The following NPAS3 variants were observed in gnomAD, a reference collection of about 807,000 sequenced individuals.
NPAS3 encodes the protein neuronal PAS domain-containing protein 3.
A neutral mutation model predicts 73.1 loss-of-function variants in NPAS3; 14 were observed. That is an observed-to-expected ratio of 0.19 (90% confidence interval 0.13 to 0.30). The LOEUF (loss-of-function observed/expected upper bound fraction) is 0.30. NPAS3 is among the 10% of genes least tolerant of loss of function. NPAS3 has a pLI of 1.00. For missense variants in NPAS3, 1,096 were observed against 1,250.0 expected, an observed-to-expected ratio of 0.88 and a Z score of 1.86; for synonymous variants, 620 against 541.5, an observed-to-expected ratio of 1.14 and a Z score of -2.01.
intron 4 of NPAS3, among the ~76,000 whole-genome samples, chr14:33,412,621 T>G (rs1254186249): frequency 6.6e-6 from 1 of 152,162 alleles, no homozygotes; most frequent in African/African-American, 2.4e-5. Context: ...TGACTAAGGC[T>G]TAGTGTCTAA....
intron 4 of NPAS3, among the ~76,000 whole-genome samples, chr14:33,509,889 AGTT>A (rs750262726): frequency 5.3e-5 from 8 of 152,030 alleles, no homozygotes; most frequent in South Asian, 4.1e-4. Flanking sequence ...TCAACTTAAG[AGTT>A]GTTGTGATTC....
intron 6 of NPAS3, among the ~76,000 whole-genome samples, chr14:33,727,247 T>C (rs1478578781): frequency 3.3e-5 from 5 of 152,156 alleles, no homozygotes; most frequent in African/African-American, 1.2e-4. Flanking sequence ...TAAAATAGTA[T>C]ATTAAAGTAA....
At chr14:33,026,598 G>T (rs2039811269) in intron 1 of NPAS3, among the ~76,000 whole-genome samples, 1 of 151,534 alleles carries the variant, frequency 6.6e-6, no homozygotes, top group African/African-American at 2.4e-5. Flanking sequence ...ATTTTATGGA[G>T]AGCTAAGGAG....
chr14:33,347,913 T>C (rs1433881197), intron 3 of NPAS3, among the ~76,000 whole-genome samples: 3 of 152,040 alleles, frequency 2.0e-5, no homozygotes. Flanking sequence ...GTTGGTTGGA[T>C]CTGCAGATAC....
intron 7 of NPAS3, among the ~76,000 whole-genome samples, chr14:33,740,937 G>T (rs2061640466): frequency 6.6e-6 from 1 of 152,226 alleles, no homozygotes; most frequent in South Asian, 2.1e-4. Flanking sequence ...CTCAGGGATT[G>T]CTAAGAATAT....
At chr14:33,558,848 C>T (rs1421028460) in intron 4 of NPAS3, among the ~76,000 whole-genome samples, 2 of 143,258 alleles carry the variant, frequency 1.4e-5, no homozygotes, top group Non-Finnish European at 1.5e-5. Context: ...AATTCACGGC[C>T]TTTTTTTTTT....
At chr14:33,239,406 C>A (rs2048143154) in intron 3 of NPAS3, among the ~76,000 whole-genome samples, 1 of 151,848 alleles carries the variant, frequency 6.6e-6, no homozygotes, top group Non-Finnish European at 1.5e-5. Flanking sequence ...ATCTGTGAAT[C>A]AAATTTTAGT....
intron 6 of NPAS3, among the ~76,000 whole-genome samples, chr14:33,710,709 A>G (rs894125764): frequency 2.0e-5 from 3 of 152,224 alleles, no homozygotes; most frequent in African/African-American, 7.2e-5. Flanking sequence ...ATTGTGCTAT[A>G]GGCTGAGTGT....
At chr14:33,079,905 G>A (rs747295823) in intron 2 of NPAS3, among the ~76,000 whole-genome samples, 10 of 151,896 alleles carry the variant, frequency 6.6e-5, no homozygotes, top group Non-Finnish European at 1.3e-4. Context: ...GAGCTATCGC[G>A]CCCAGTTGAA....
chr14:33,413,865 T>A (rs930441711), intron 4 of NPAS3, among the ~76,000 whole-genome samples: 2 of 152,158 alleles, frequency 1.3e-5, no homozygotes, highest in South Asian at 4.1e-4. Flanking sequence ...AAAAATTTCC[T>A]TCTTTCTGGA....
chr14:33,483,635 A>C (rs1346616931), intron 4 of NPAS3, among the ~76,000 whole-genome samples: 1 of 152,166 alleles, frequency 6.6e-6, no homozygotes, highest in African/African-American at 2.4e-5. Context: ...GTGAACTGTC[A>C]TGTCATAGGG....
chr14:33,015,378 T>A (rs1346047991), intron 1 of NPAS3, among the ~76,000 whole-genome samples: 2 of 152,128 alleles, frequency 1.3e-5, no homozygotes, highest in African/African-American at 2.4e-5. Flanking sequence ...AAAATTAATA[T>A]CTGACTAACA....
At chr14:33,782,823 T>TAAAAAAAA (rs199704146) in intron 9 of NPAS3, among the ~76,000 whole-genome samples, 19 of 148,702 alleles carry the variant, frequency 1.3e-4, no homozygotes, top group Non-Finnish European at 2.8e-4. Context: ...TGTTTTTTTT[T>TAAAAAAAA]AAAAAAAAGA....
At chr14:33,732,816 T>C (rs1269509876) in intron 6 of NPAS3, among the ~76,000 whole-genome samples, 2 of 152,186 alleles carry the variant, frequency 1.3e-5, no homozygotes, top group Non-Finnish European at 2.9e-5. Context: ...TACGGTGCCA[T>C]ACTCCTGCCT....
chr14:32,993,149 CAAAAAA>C (rs538579532), intron 1 of NPAS3, among the ~76,000 whole-genome samples: 1 of 92,086 alleles, frequency 1.1e-5, no homozygotes, highest in Non-Finnish European at 2.2e-5. Context: ...AACTTCGTCT[CAAAAAA>C]AAAAAAAAAA....
chr14:33,287,181 A>G (rs544346075), intron 3 of NPAS3, among the ~76,000 whole-genome samples: 1 of 152,296 alleles, frequency 6.6e-6, no homozygotes, highest in African/African-American at 2.4e-5. Context: ...GAATAACCAT[A>G]TCTCTTGGAA....
At chr14:33,249,907 T>TAC (rs369565240) in intron 3 of NPAS3, among the ~76,000 whole-genome samples, 39,483 of 146,684 alleles carry the variant, frequency 0.27, 5,477 homozygotes, top group Non-Finnish European at 0.34. Flanking sequence ...AAATCTGTCA[T>TAC]ACACACACAC....
At chr14:33,474,057 A>C (rs1376786289) in intron 4 of NPAS3, among the ~76,000 whole-genome samples, 7 of 152,160 alleles carry the variant, frequency 4.6e-5, no homozygotes, top group African/African-American at 1.7e-4. Context: ...GGCAGAGTCT[A>C]GATCACTGAG....
chr14:33,555,486 A>T (rs141243705), intron 4 of NPAS3, among the ~76,000 whole-genome samples: 17 of 152,332 alleles, frequency 1.1e-4, no homozygotes, highest in African/African-American at 3.8e-4. Context: ...ATTGAACTGC[A>T]TAGTATATAA....
Sources: gnomAD v4.1 joint callset for allele counts (sites outside exome capture counted in the v4.1 genomes callset) on GRCh38, gnomAD v4.1.1 for gene constraint, MANE v1.5 for transcripts, NCBI Gene and HGNC (gene_info 2026-07-23, HGNC 2026-07-21) for gene names.